Variants in VKORC1L1 observed in about 807,000 individuals in gnomAD.
The protein encoded by VKORC1L1 is vitamin K epoxide reductase complex subunit 1L1.
In VKORC1L1, 2 loss-of-function variants were observed where a neutral mutation model predicts 18.9. That is an observed-to-expected ratio of 0.11 (90% CI 0.04 to 0.33). The LOEUF is 0.33. VKORC1L1 is among the 10% of genes least tolerant of loss of function. The pLI is 1.00. For missense variants in VKORC1L1, 123 were observed against 224.1 expected (o/e 0.55, Z 2.88); for synonymous variants, 96 against 100.0 (o/e 0.96, Z 0.24).
At chr7:65,934,577 G>A (rs1789910757) in intron 1 of VKORC1L1, among the ~76,000 whole-genome samples, 1 of 151,968 alleles carries the variant, frequency 6.6e-6, no homozygotes, top group South Asian at 2.1e-4. Context: ...TCTACTCTCT[G>A]CTTATATGAG....
At chr7:65,894,426 T>C (rs1272459583) in intron 1 of VKORC1L1, among the ~76,000 whole-genome samples, 1 of 152,188 alleles carries the variant, frequency 6.6e-6, no homozygotes, top group African/African-American at 2.4e-5. Flanking sequence ...CCAAACAGAA[T>C]TTTTGAAGGA....
intron 1 of VKORC1L1, among the ~76,000 whole-genome samples, chr7:65,891,539 G>A (rs1249538926): frequency 6.6e-6 from 1 of 152,220 alleles, no homozygotes; most frequent in East Asian, 1.9e-4. Flanking sequence ...AGGGATAAAT[G>A]TATTGATCCC....
intron 1 of VKORC1L1, among the ~76,000 whole-genome samples, chr7:65,902,413 TG>T (rs1446474748): frequency 6.6e-6 from 1 of 152,090 alleles, no homozygotes; most frequent in Non-Finnish European, 1.5e-5. Flanking sequence ...TGCAGATCAG[TG>T]GACTTGAAGA....
chr7:65,877,924 C>T (rs1788856006), intron 1 of VKORC1L1, among the ~76,000 whole-genome samples: 1 of 152,064 alleles, frequency 6.6e-6, no homozygotes, highest in Non-Finnish European at 1.5e-5. Flanking sequence ...AAATTTGGGC[C>T]TCCATATATG....
chr7:65,934,438 T>C (rs1789908154), intron 1 of VKORC1L1, among the ~76,000 whole-genome samples: 1 of 152,192 alleles, frequency 6.6e-6, no homozygotes, highest in Admixed American at 6.5e-5. Context: ...AACACACTAT[T>C]ATTTACTATG....
intron 1 of VKORC1L1, among the ~76,000 whole-genome samples, chr7:65,925,285 G>GTT (rs1789743037): frequency 6.6e-6 from 1 of 152,098 alleles, no homozygotes; most frequent in Non-Finnish European, 1.5e-5. Flanking sequence ...TGGAAACCCG[G>GTT]GAGTCAGTCA....
intron 1 of VKORC1L1, among the ~76,000 whole-genome samples, chr7:65,911,618 A>C (rs1394168463): frequency 6.6e-6 from 1 of 152,168 alleles, no homozygotes; most frequent in African/African-American, 2.4e-5. Context: ...TTTTAAGCAG[A>C]GACAGCATCT....
At chr7:65,930,597 T>TG (rs1342402188) in intron 1 of VKORC1L1, among the ~76,000 whole-genome samples, 1 of 152,220 alleles carries the variant, frequency 6.6e-6, no homozygotes, top group Non-Finnish European at 1.5e-5. Flanking sequence ...TCTGTATGTA[T>TG]ATATGGTTTA....
intron 1 of VKORC1L1, among the ~76,000 whole-genome samples, chr7:65,944,275 A>G (rs1334888439): frequency 1.3e-5 from 2 of 152,130 alleles, no homozygotes; most frequent in Non-Finnish European, 2.9e-5. Flanking sequence ...AGGCTGACAC[A>G]GGAGTCTCAC....
chr7:65,901,000 T>TG (rs1789305804), intron 1 of VKORC1L1, among the ~76,000 whole-genome samples: 1 of 152,012 alleles, frequency 6.6e-6, no homozygotes, highest in Non-Finnish European at 1.5e-5. Context: ...CCTACACAGA[T>TG]GGAGAAGAAA....
intron 1 of VKORC1L1, among the ~76,000 whole-genome samples, chr7:65,923,559 G>A (rs2115631362): frequency 6.6e-6 from 1 of 152,288 alleles, no homozygotes; most frequent in African/African-American, 2.4e-5. Context: ...TGGAGCATAT[G>A]TAGTTATATG....
chr7:65,886,934 C>T (rs1271584834), intron 1 of VKORC1L1, among the ~76,000 whole-genome samples: 1 of 145,038 alleles, frequency 6.9e-6, no homozygotes, highest in African/African-American at 2.5e-5. Context: ...ACTGAAACCT[C>T]TGCCTCCTGG....
intron 1 of VKORC1L1, among the ~76,000 whole-genome samples, chr7:65,900,817 A>AAAT (rs1245827177): frequency 1.3e-5 from 2 of 152,138 alleles, no homozygotes; most frequent in African/African-American, 4.8e-5. Context: ...ATAATAATAA[A>AAAT]AATAATAATA....
chr7:65,877,822 T>C (rs186905065), intron 1 of VKORC1L1, among the ~76,000 whole-genome samples: 2 of 152,298 alleles, frequency 1.3e-5, no homozygotes, highest in African/African-American at 2.4e-5. Context: ...ATAGAACATA[T>C]ACCATAGGGG....
At chr7:65,885,352 T>C (rs190449295) in intron 1 of VKORC1L1, among the ~76,000 whole-genome samples, 1 of 152,294 alleles carries the variant, frequency 6.6e-6, no homozygotes, top group East Asian at 1.9e-4. Flanking sequence ...TGTCTTTTAA[T>C]TTTGTTTATG....
At position 65,878,303 on chromosome 7, in the gene VKORC1L1, C is replaced by T. The variant is rs543226410; in HGVS notation, c.194+4738C>T. ...TCTACTAAAAATACAAAAAATTAGC[C>T]GGGCATGGTGGTGGGCACCTGTAAT... On this transcript the variant is annotated intron_variant, in intron 1 of 2. Transcript: ENST00000360768. Among the ~76,000 whole-genome samples the T allele has an allele frequency of 1.2e-4, 18 of 151,946 alleles. No individual in the cohort carries two copies. The South Asian group carries it at 2.9e-3, about 25-fold the overall frequency.
chr7:65,905,199 G>C (rs1224999858), intron 1 of VKORC1L1, among the ~76,000 whole-genome samples: 1 of 152,054 alleles, frequency 6.6e-6, no homozygotes, highest in Non-Finnish European at 1.5e-5. Context: ...TAAAATATTT[G>C]AAAACAGCTT....
intron 1 of VKORC1L1, among the ~76,000 whole-genome samples, chr7:65,903,083 C>A (rs1425137434): frequency 6.6e-6 from 1 of 151,768 alleles, no homozygotes; most frequent in African/African-American, 2.4e-5. Context: ...TCAGGCTGAT[C>A]TCGAACTCCC....
chr7:65,867,091 G>A, the VKORC1L1 span, among the ~76,000 whole-genome samples: 4 of 152,284 alleles, frequency 2.6e-5, no homozygotes, highest in Admixed American at 6.5e-5. Context: ...GGAGGTTGAG[G>A]CAGGAGAATC....
Sources: allele counts gnomAD v4.1 joint callset (sites outside exome capture counted in the v4.1 genomes callset), GRCh38; gene constraint gnomAD v4.1.1; transcripts MANE v1.5; gene names NCBI Gene and HGNC (gene_info 2026-07-23, HGNC 2026-07-21).